The following BMAL1 variants were observed in gnomAD, a reference collection of about 807,000 sequenced individuals.
The protein encoded by BMAL1 is basic helix-loop-helix ARNT like 1, also known as basic helix-loop-helix ARNT-like protein 1.
the BMAL1 span, chr11:13,277,029 C>G: frequency 6.6e-6 from 1 of 152,248 alleles, no homozygotes; most frequent in Non-Finnish European, 1.5e-5. Context: ...ACGGGAATGA[C>G]AGCTCCAGTG....
chr11:13,355,845 C>T, the BMAL1 span, among the ~76,000 whole-genome samples: 5 of 152,154 alleles, frequency 3.3e-5, no homozygotes, highest in African/African-American at 4.8e-5. Context: ...TGATCCAGTG[C>T]TCCTAGAAAC....
chr11:13,330,767 C>T, the BMAL1 span, among the ~76,000 whole-genome samples: 27 of 152,356 alleles, frequency 1.8e-4, 1 homozygote, highest in South Asian at 6.2e-4. Context: ...CATCCCATTG[C>T]ACTAAATAGC....
chr11:13,278,980 C>T, the BMAL1 span, among the ~76,000 whole-genome samples: 37 of 152,158 alleles, frequency 2.4e-4, 1 homozygote, highest in Admixed American at 3.9e-4. Context: ...AGGTGCCCGC[C>T]GGCAGGAGCT....
the BMAL1 span, among the ~76,000 whole-genome samples, chr11:13,348,123 C>G: frequency 6.6e-6 from 1 of 152,232 alleles, no homozygotes; most frequent in Admixed American, 6.5e-5. Flanking sequence ...CTGAAGGCTT[C>G]TCCAGGAGGT....
At chr11:13,369,313 T>G in the BMAL1 span, among the ~76,000 whole-genome samples, 44,465 of 152,082 alleles carry the variant, frequency 0.29, 6,760 homozygotes, top group South Asian at 0.43. Flanking sequence ...TTGGTGCACC[T>G]CCATTTGCCC....
the BMAL1 span, among the ~76,000 whole-genome samples, chr11:13,337,476 A>G: frequency 6.6e-6 from 1 of 152,226 alleles, no homozygotes; most frequent in South Asian, 2.1e-4. Context: ...AAAGAGTACT[A>G]TGTAAGAGAT....
At chr11:13,350,250 T>C in the BMAL1 span, among the ~76,000 whole-genome samples, 3 of 152,238 alleles carry the variant, frequency 2.0e-5, no homozygotes, top group African/African-American at 7.2e-5. Flanking sequence ...AGGTACTTCA[T>C]GTCTGCTGCA....
At chr11:13,284,259 TATA>T in the BMAL1 span, among the ~76,000 whole-genome samples, 9 of 67,652 alleles carry the variant, frequency 1.3e-4, no homozygotes, top group African/African-American at 3.4e-4. Flanking sequence ...TATATATATA[TATA>T]TATATTTTTT....
At chr11:13,356,870 C>A in the BMAL1 span, 1 of 1,604,568 alleles carries the variant, frequency 6.2e-7, no homozygotes, top group South Asian at 1.1e-5. Flanking sequence ...GCACCCATGT[C>A]CTCAACTGGA....
At chr11:13,325,875 A>G in the BMAL1 span, among the ~76,000 whole-genome samples, 2 of 151,462 alleles carry the variant, frequency 1.3e-5, no homozygotes, top group Non-Finnish European at 2.9e-5. Context: ...TTATTTTTTC[A>G]TACTAGTCAA....
the BMAL1 span, among the ~76,000 whole-genome samples, chr11:13,360,079 A>T: frequency 6.6e-6 from 1 of 152,136 alleles, no homozygotes; most frequent in African/African-American, 2.4e-5. Context: ...TCCTTCTATT[A>T]TCTCTTGGTT....
chr11:13,308,662 C>G, the BMAL1 span, among the ~76,000 whole-genome samples: 1 of 152,180 alleles, frequency 6.6e-6, no homozygotes, highest in South Asian at 2.1e-4. Context: ...AATGCATATG[C>G]TGTTGGACCT....
chr11:13,321,618 G>C, the BMAL1 span, among the ~76,000 whole-genome samples: 1 of 152,256 alleles, frequency 6.6e-6, no homozygotes, highest in South Asian at 2.1e-4. Flanking sequence ...GATTTGTGCT[G>C]CTGGTTTTGT....
At chr11:13,376,665 C>A in the BMAL1 span, 19 of 1,613,988 alleles carry the variant, frequency 1.2e-5, no homozygotes, top group Non-Finnish European at 1.5e-5. Flanking sequence ...AGGCGGGGAC[C>A]CAACCTTCCC....
chr11:13,385,642 C>A, the BMAL1 span: 3 of 1,450,666 alleles, frequency 2.1e-6, no homozygotes, highest in Non-Finnish European at 2.9e-6. Flanking sequence ...TTTGGCATTG[C>A]TCATAATACT....
the BMAL1 span, chr11:13,386,604 C>T: frequency 6.2e-7 from 1 of 1,611,814 alleles, no homozygotes. Flanking sequence ...AGGTGAGAAC[C>T]CCCACATAGG....
At chr11:13,326,613 G>C in the BMAL1 span, 1 of 152,114 alleles carries the variant, frequency 6.6e-6, no homozygotes, top group African/African-American at 2.4e-5. Flanking sequence ...ACCCTGGATT[G>C]ATTCTCAACT....
At chr11:13,289,059 A>G in the BMAL1 span, among the ~76,000 whole-genome samples, 2 of 152,228 alleles carry the variant, frequency 1.3e-5, no homozygotes, top group Non-Finnish European at 2.9e-5. Context: ...GCCAAAGCAA[A>G]TCACTTAATG....
At chr11:13,287,364 G>A in the BMAL1 span, among the ~76,000 whole-genome samples, 1 of 152,140 alleles carries the variant, frequency 6.6e-6, no homozygotes, top group Admixed American at 6.5e-5. Flanking sequence ...GCGAGGAGTT[G>A]GTACAAGAAG....
Sources: allele counts gnomAD v4.1 joint callset (sites outside exome capture counted in the v4.1 genomes callset), GRCh38; gene constraint gnomAD v4.1.1; transcripts MANE v1.5; gene names NCBI Gene and HGNC (gene_info 2026-07-23, HGNC 2026-07-21).